The following MYO1H variants were observed in gnomAD, a reference collection of about 807,000 sequenced individuals.
MYO1H encodes myosin IH.
Under a neutral mutation model 149.3 loss-of-function variants are expected in MYO1H, and 118 were observed. The observed-to-expected ratio is 0.79, with a 90% CI of 0.68 to 0.92. The LOEUF is 0.92. MYO1H is among the 40% of genes least tolerant of loss of function. The probability of loss-of-function intolerance (pLI) is 0.00; values close to 1 mark genes in which losing one functional copy is unlikely to be tolerated. For synonymous variants in MYO1H, 447 were observed against 465.2 expected (o/e 0.96, Z 0.50); for missense variants, 1,212 against 1,280.7 (o/e 0.95, Z 0.82).
chr12:109,424,678 G>C, intron 16 of MYO1H, 70 bp from the exon 17 acceptor site: 3 of 1,227,380 alleles, frequency 2.4e-6, no homozygotes, highest in Non-Finnish European at 3.5e-6. Context: ...CACACTCTGT[G>C]AGCCGTCCTG....
chr12:109,403,959 T>C (rs1201172012), intron 6 of MYO1H, 23 bp from the exon 7 acceptor site: 1 of 1,561,048 alleles, frequency 6.4e-7, no homozygotes, highest in South Asian at 1.1e-5. Context: ...TGACATTAAG[T>C]GACTCAAACT....
At chr12:109,405,941 C>G (rs1481417504) in exon 8 of MYO1H, 2 of 1,612,038 alleles carry the variant, frequency 1.2e-6, no homozygotes, top group Admixed American at 3.3e-5. Flanking sequence ...GGAATTATTG[C>G]CAGTGTCTTA....
chr12:109,400,094 G>A (rs1382535499), intron 5 of MYO1H, among the ~76,000 whole-genome samples: 1 of 152,140 alleles, frequency 6.6e-6, no homozygotes, highest in Non-Finnish European at 1.5e-5. Context: ...CAACGTATCT[G>A]TCAGATTCAT....
intron 19 of MYO1H, among the ~76,000 whole-genome samples, chr12:109,431,835 T>G (rs1040913449): frequency 2.6e-5 from 4 of 152,014 alleles, no homozygotes; most frequent in Non-Finnish European, 5.9e-5. Flanking sequence ...GAACCCTTTC[T>G]TTCTCTTCTC....
At chr12:109,398,846 A>G (rs1040385777) in intron 5 of MYO1H, among the ~76,000 whole-genome samples, 5 of 151,940 alleles carry the variant, frequency 3.3e-5, no homozygotes, top group Non-Finnish European at 5.9e-5. Flanking sequence ...ACAGCCAGAT[A>G]GTAAGTATTT....
intron 18 of MYO1H, 96 bp downstream of exon 18, chr12:109,426,147 C>T: frequency 2.5e-6 from 2 of 800,882 alleles, no homozygotes; most frequent in Non-Finnish European, 4.3e-6. Context: ...CCACCACAAG[C>T]TTGCTCGATG....
the MYO1H span, among the ~76,000 whole-genome samples, chr12:109,314,040 A>G: frequency 6.6e-6 from 1 of 151,928 alleles, no homozygotes; most frequent in Non-Finnish European, 1.5e-5. Flanking sequence ...GCGCACCACC[A>G]TGCCTGGCTA....
chr12:109,444,605 G>A (rs1024977110), intron 30 of MYO1H, 76 bp downstream of exon 30: 27 of 1,155,858 alleles, frequency 2.3e-5, no homozygotes, highest in Non-Finnish European at 3.2e-5. Context: ...GGTGGCTCAT[G>A]CCTATAATCC....
chr12:109,381,678 A>T (rs1988001), intron 1 of MYO1H, among the ~76,000 whole-genome samples: 54,164 of 151,730 alleles, frequency 0.36, 10,000 homozygotes, highest in Admixed American at 0.45. Flanking sequence ...TGGTGGTGCA[A>T]GCCTATAATC....
chr12:109,443,428 C>A (rs1872328929), intron 27 of MYO1H, 86 bp from the exon 28 acceptor site: 1 of 1,459,140 alleles, frequency 6.9e-7, no homozygotes, highest in Non-Finnish European at 9.3e-7. Flanking sequence ...TTTCTAAATG[C>A]TTGACATCAC....
intron 13 of MYO1H, 56 bp from the exon 14 acceptor site, chr12:109,411,838 C>A: frequency 1.6e-6 from 2 of 1,280,070 alleles, no homozygotes; most frequent in Non-Finnish European, 2.2e-6. Flanking sequence ...AGCATTTAAA[C>A]TTGGCATTGA....
rs756231080 is a variant in MYO1H at position 109,424,831 on chromosome 12, G to A, written c.1725+3G>A. On this transcript the variant is annotated splice_donor_region_variant and intron_variant, in intron 17 of 31. Coordinates refer to ENST00000310903, the Ensembl canonical transcript of MYO1H. ...AAAACCGGAGGAGGCCCCCAACAGT[G>A]AGTGGGAAAAACACCCATGCAAAAT... 1.2e-6 allele frequency: 2 copies of A among 1,613,346 alleles called. No individual in the cohort carries two copies. Among genetic ancestry groups the A allele is most frequent in the East Asian group, 2.2e-5 (1 of 44,874 alleles).
intron 20 of MYO1H, among the ~76,000 whole-genome samples, chr12:109,433,791 C>T (rs1052669280): frequency 6.6e-6 from 1 of 152,154 alleles, no homozygotes; most frequent in Non-Finnish European, 1.5e-5. Flanking sequence ...CTGCAAGGCT[C>T]AGCACATCCT....
chr12:109,317,726 C>G, the MYO1H span, among the ~76,000 whole-genome samples: 1 of 152,106 alleles, frequency 6.6e-6, no homozygotes, highest in Non-Finnish European at 1.5e-5. Context: ...AAGGCTTATC[C>G]CTGAACCCAG....
chr12:109,405,242 T>TA (rs1442914344), intron 7 of MYO1H, among the ~76,000 whole-genome samples: 1 of 152,074 alleles, frequency 6.6e-6, no homozygotes, highest in Non-Finnish European at 1.5e-5. Flanking sequence ...GATGGATAGA[T>TA]AGATAGATAA....
chr12:109,417,007 C>CA (rs566837198), intron 15 of MYO1H, among the ~76,000 whole-genome samples: 2,446 of 124,478 alleles, frequency 0.02, 28 homozygotes, highest in South Asian at 0.043. Context: ...AACTCCATCT[C>CA]AAAAAAAAAA....
intron 1 of MYO1H, among the ~76,000 whole-genome samples, chr12:109,374,197 C>G (rs1869045965): frequency 6.6e-6 from 1 of 152,156 alleles, no homozygotes; most frequent in African/African-American, 2.4e-5. Context: ...CTGAATTGGC[C>G]TGTTTTTCCA....
intron 22 of MYO1H, among the ~76,000 whole-genome samples, 198 bp from the exon 23 acceptor site, chr12:109,438,338 C>T (rs1410473848): frequency 6.6e-6 from 1 of 152,146 alleles, no homozygotes; most frequent in East Asian, 1.9e-4. Flanking sequence ...TCTGTTCTGT[C>T]TCCCCCTGGT....
chr12:109,413,214 A>C (rs1870751548), intron 14 of MYO1H, among the ~76,000 whole-genome samples: 1 of 152,052 alleles, frequency 6.6e-6, no homozygotes, highest in Non-Finnish European at 1.5e-5. Flanking sequence ...ACCTCAAGTG[A>C]TCTGCCCACC....
Sources: gnomAD v4.1 joint callset for allele counts (sites outside exome capture counted in the v4.1 genomes callset) on GRCh38, gnomAD v4.1.1 for gene constraint, MANE v1.5 for transcripts, NCBI Gene and HGNC (gene_info 2026-07-23, HGNC 2026-07-21) for gene names.